The following HEG1 variants were observed in gnomAD, a reference collection of about 807,000 sequenced individuals.
The protein encoded by HEG1 is protein HEG homolog 1.
A neutral mutation model predicts 125.6 loss-of-function variants in HEG1; 56 were observed. The ratio of observed to expected loss-of-function variants is 0.45; its 90% CI spans 0.36 to 0.56. The LOEUF is 0.56. Among genes scored for constraint, HEG1 ranks in the 20% least tolerant of loss-of-function variants. HEG1 has a pLI of 0.00. For missense variants in HEG1, 1,523 were observed against 1,670.0 expected, an observed-to-expected ratio of 0.91 and a Z score of 1.53; for synonymous variants, 644 against 668.5, an observed-to-expected ratio of 0.96 and a Z score of 0.57.
Position 125,027,270 on chromosome 3 carries a change from G to A in HEG1, c.848C>T (p.Pro283Leu). ...GTAGAAATGCAGCCAGGAGAGATCT[G>A]GTCCTGAGGAATTTCTCTTCCTAGA... Reference protein sequence around the residue: ...TPSRKRNSSGPDLSWLHFYRT... With the variant: ...TPSRKRNSSGLDLSWLHFYRT... The change falls in exon 3 of 17, where the codon CCA becomes CTA. Residue 283 changes from proline to leucine, a missense_variant. By Grantham distance (98) the Pro-to-Leu change is moderately conservative (BLOSUM62 -3). Transcript: ENST00000311127. 6.2e-7 allele frequency: 1 copy of A among 1,613,188 alleles called. No individual in the cohort carries two copies. Among genetic ancestry groups the A allele is most frequent in the Non-Finnish European group, 8.5e-7 (1 of 1,179,608 alleles).
At position 124,969,751 on chromosome 3, in the gene HEG1, T is replaced by G. The variant is rs1048965891; in HGVS notation, c.*901A>C. 3.9e-5 allele frequency: 6 copies of G among 152,124 alleles called. No individual in the cohort carries two copies. The highest frequency in any genetic ancestry group is 7.3e-5 in the Non-Finnish European group (5 of 68,088). The allele number at this position is 152,124 out of a possible 1,614,324, so 9.4% of individuals were successfully genotyped here. A position where few individuals can be genotyped will look rare whatever the true frequency, so the allele number is the denominator to read the frequency against. On this transcript the variant is annotated 3_prime_UTR_variant, in exon 17 of 17. Coordinates refer to ENST00000311127, the MANE Select transcript of HEG1 (RefSeq NM_020733.2). The stretch of plus-strand genomic sequence containing the variant: ...GGTGAAACCTGCGTTCAGTTTGACA[T>G]TTCTCCTCCATACGCAGCTGCCTCT...
chr3:125,014,230 T>G (rs1483000135), intron 5 of HEG1, among the ~76,000 whole-genome samples: 1 of 152,064 alleles, frequency 6.6e-6, no homozygotes, highest in African/African-American at 2.4e-5. Context: ...GTAGCGGCAG[T>G]GGAAATGGTA....
chr3:125,043,323 C>T (rs1377772349), intron 1 of HEG1, among the ~76,000 whole-genome samples: 3 of 152,032 alleles, frequency 2.0e-5, no homozygotes, highest in East Asian at 1.9e-4. Context: ...GAGGTGGCCT[C>T]GGGCATGAAG....
chr3:124,978,870 C>G (rs1485706808), intron 14 of HEG1, among the ~76,000 whole-genome samples: 1 of 150,996 alleles, frequency 6.6e-6, no homozygotes, highest in Non-Finnish European at 1.5e-5. Context: ...AACGCAGAAT[C>G]TTTTCTTGGT....
In HEG1 at chr3:124,974,620, G is replaced by A. The variant is rs940865049; in HGVS notation, c.3822-715C>T. ...TCAGCAGGTTACAGAAATGCTACTC[G>A]TGAGATCTCACTGACTGCAAATTGT... On this transcript the variant is annotated intron_variant, in intron 15 of 16. Coordinates refer to ENST00000311127, the MANE Select transcript of HEG1 (RefSeq NM_020733.2). Among the ~76,000 whole-genome samples the A allele has an allele frequency of 5.3e-5, 8 of 152,264 alleles. No individual in the cohort carries two copies. The East Asian group carries it at 9.6e-4, about 18-fold the overall frequency.
chr3:124,975,436 C>T (rs1353134422), intron 15 of HEG1, among the ~76,000 whole-genome samples: 1 of 152,180 alleles, frequency 6.6e-6, no homozygotes, highest in African/African-American at 2.4e-5. Context: ...CAGTGGCTTC[C>T]AGGAAGCCCA....
At chr3:124,983,801 T>C (rs1253887163) in intron 14 of HEG1, among the ~76,000 whole-genome samples, 1 of 152,256 alleles carries the variant, frequency 6.6e-6, no homozygotes. Flanking sequence ...TGATTGTCAC[T>C]TTCTCCTGAT....
chr3:125,009,605 G>A (rs1389127430), intron 8 of HEG1, 100 bp downstream of exon 8: 9 of 1,257,774 alleles, frequency 7.2e-6, no homozygotes, highest in Non-Finnish European at 9.8e-6. Flanking sequence ...TTTATACCTT[G>A]GACAAATACT....
chr3:125,048,674 G>A (rs978708047), intron 1 of HEG1, among the ~76,000 whole-genome samples: 6 of 152,336 alleles, frequency 3.9e-5, no homozygotes, highest in South Asian at 2.1e-4. Flanking sequence ...TAAGTACAAC[G>A]CAAAGCTCTT....
At position 124,972,690 on chromosome 3, in the gene HEG1, G is replaced by C. The variant is rs561711905; in HGVS notation, c.3996+1041C>G. Among the ~76,000 whole-genome samples, 152 of 152,282 alleles carry C rather than the reference G, an allele frequency of 1.0e-3. 2 individuals are homozygous for C. The highest frequency in any genetic ancestry group is 3.5e-3 in the African/African-American group (144 of 41,556). On this transcript the variant is annotated intron_variant, in intron 16 of 16. Transcript: ENST00000311127. ...CTCCACATGGCACGAGAAGTCACCT[G>C]ATAACTGTTTACTTTTCAGCTCAGA...
Position 124,997,730 on chromosome 3 carries a change from G to A in HEG1, c.3611C>T (p.Ser1204Leu), listed in dbSNP as rs376649315. 7.8e-5 allele frequency: 125 copies of A among 1,594,316 alleles called. No individual in the cohort carries two copies. The highest frequency in any genetic ancestry group is 1.0e-4 in the Non-Finnish European group (119 of 1,166,592). ...CATCTTGTTGAACTGAAAGTATCCC[G>A]ACTTGCACTGGCACAGGGCAACGCC... Reference protein sequence around the residue: ...LDGVALCQCKSGYFQFNKMDH... With the variant: ...LDGVALCQCKLGYFQFNKMDH... Residue 1204 changes from serine to leucine, a missense_variant, in exon 12 of 17, where the codon TCG (serine) becomes TTG (leucine). By Grantham distance (145) the Ser-to-Leu change is moderately radical. Coordinates refer to ENST00000311127, the MANE Select transcript of HEG1 (RefSeq NM_020733.2).
At chr3:124,988,302 C>A (rs1279705940) in intron 14 of HEG1, among the ~76,000 whole-genome samples, 3 of 152,102 alleles carry the variant, frequency 2.0e-5, no homozygotes, top group African/African-American at 7.2e-5. Flanking sequence ...AAATACTGAT[C>A]TTTAGAAAGG....
chr3:125,048,573 A>G lies in HEG1; in HGVS notation c.316+7002T>C, dbSNP rs1046346725. On this transcript the variant is annotated intron_variant, in intron 1 of 16. Coordinates refer to ENST00000311127, the MANE Select transcript of HEG1 (RefSeq NM_020733.2). ...GCATGTATTAACAACTGTCTGGTGT[A>G]AGTGGAGAGCAGAGCAAGAGAAGGT... 4.6e-5 allele frequency among the ~76,000 whole-genome samples: 7 copies of G among 152,366 alleles called. No homozygotes were observed. In the East Asian group the frequency reaches 9.6e-4, roughly 21 times the overall value.
In HEG1 at chr3:125,022,791, T is replaced by C. The variant is rs1937355603; in HGVS notation, c.914-1661A>G. Among the ~76,000 whole-genome samples, 3 of 152,172 alleles carry C rather than the reference T, an allele frequency of 2.0e-5. No individual in the cohort carries two copies. In the South Asian group the frequency reaches 6.2e-4, roughly 32 times the overall value. On this transcript the variant is annotated intron_variant, in intron 3 of 16. Coordinates refer to ENST00000311127, the MANE Select transcript of HEG1 (RefSeq NM_020733.2). ...CTCAGCCCTAACTTCATTAGAGTCA[T>C]CATTTATATCCACCAAATTACAGCC...
At chr3:124,984,406 A>C (rs1936706538) in intron 14 of HEG1, among the ~76,000 whole-genome samples, 1 of 152,196 alleles carries the variant, frequency 6.6e-6, no homozygotes, top group African/African-American at 2.4e-5. Context: ...GTGGCCAGAA[A>C]AAAGTAATCT....
At chr3:125,055,425 C>T (rs1344904032) in intron 1 of HEG1, 150 bp downstream of exon 1, 3 of 425,858 alleles carry the variant, frequency 7.0e-6, no homozygotes, top group Non-Finnish European at 1.1e-5. Flanking sequence ...TCCCTACCCG[C>T]CGACCCTCAG....
At chr3:124,992,383 C>T (rs1043571556) in intron 12 of HEG1, among the ~76,000 whole-genome samples, 1 of 152,158 alleles carries the variant, frequency 6.6e-6, no homozygotes, top group Non-Finnish European at 1.5e-5. Context: ...ATAATGCATG[C>T]TTGAATGAAA....
chr3:125,027,714 T>C (rs1937438536), intron 2 of HEG1, among the ~76,000 whole-genome samples: 1 of 152,144 alleles, frequency 6.6e-6, no homozygotes, highest in Non-Finnish European at 1.5e-5. Context: ...CTGTGTATTG[T>C]GGTAAAATTC....
rs993505799 is a variant in HEG1 at position 125,002,015 on chromosome 3, A to G, written c.3357-3T>C. On this transcript the variant is annotated splice_region_variant and splice_polypyrimidine_tract_variant and intron_variant, in intron 10 of 16. Transcript: ENST00000311127. ...AGATCACCACCGCGTTGGACTCCCTATAGGCAAAGTTTGTGGGTTTTTAAC... is the reference window on the plus strand; with the variant it reads ...AGATCACCACCGCGTTGGACTCCCTGTAGGCAAAGTTTGTGGGTTTTTAAC... The G allele has an allele frequency of 1.2e-6, 2 of 1,613,866 alleles. No individual in the cohort carries two copies. The highest frequency in any genetic ancestry group is 1.7e-6 in the Non-Finnish European group (2 of 1,179,840).
Sources: allele counts gnomAD v4.1 joint callset (sites outside exome capture counted in the v4.1 genomes callset), GRCh38; gene constraint gnomAD v4.1.1; transcripts MANE v1.5; gene names NCBI Gene and HGNC (gene_info 2026-07-23, HGNC 2026-07-21).